Variants in NPAS3 observed in about 807,000 individuals in gnomAD.
NPAS3 encodes the protein neuronal PAS domain protein 3.
NPAS3 carries 14 observed loss-of-function variants against 73.1 expected under a neutral mutation model. The ratio of observed to expected loss-of-function variants is 0.19; its 90% CI spans 0.13 to 0.30. NPAS3 has a LOEUF of 0.30. NPAS3 is among the 10% of genes least tolerant of loss of function. NPAS3 has a pLI of 1.00. For missense variants in NPAS3, 1,096 were observed against 1,250.0 expected, an observed-to-expected ratio of 0.88 and a Z score of 1.86; for synonymous variants, 620 against 541.5, an observed-to-expected ratio of 1.14 and a Z score of -2.01.
In NPAS3 at chr14:33,395,641, C is replaced by A. The variant is rs545608791; in HGVS notation, c.468+28373C>A. Among the ~76,000 whole-genome samples the A allele has an allele frequency of 2.0e-4, 30 of 152,024 alleles. No individual in the cohort carries two copies. The South Asian group carries it at 5.8e-3, about 29-fold the overall frequency. ...ATGTTTATATTTAGTATATTAAATA[C>A]AAATTTTAAGCCTGTTCATAAAAGC... On this transcript the variant is annotated intron_variant, in intron 4 of 11. Transcript: ENST00000356141.
intron 4 of NPAS3, among the ~76,000 whole-genome samples, chr14:33,409,772 A>G (rs368219386): frequency 1.6e-3 from 250 of 152,310 alleles, no homozygotes; most frequent in African/African-American, 5.2e-3. Flanking sequence ...AGAGAAGAGT[A>G]AGAATGTAGT....
At chr14:33,073,409 T>G (rs978590329) in intron 2 of NPAS3, among the ~76,000 whole-genome samples, 1 of 152,176 alleles carries the variant, frequency 6.6e-6, no homozygotes, top group African/African-American at 2.4e-5. Flanking sequence ...TAGAACTCTA[T>G]AGTATACAGT....
At chr14:33,163,913 A>C (rs1035640774) in intron 2 of NPAS3, among the ~76,000 whole-genome samples, 3 of 152,198 alleles carry the variant, frequency 2.0e-5, no homozygotes, top group Non-Finnish European at 4.4e-5. Flanking sequence ...GTGTAAAGAA[A>C]AAAGTGAGAG....
chr14:33,503,764 G>A (rs2052627759), intron 4 of NPAS3, among the ~76,000 whole-genome samples: 1 of 151,896 alleles, frequency 6.6e-6, no homozygotes, highest in African/African-American at 2.4e-5. Context: ...GCTGAAGGAA[G>A]AAAATTACTC....
intron 4 of NPAS3, among the ~76,000 whole-genome samples, chr14:33,521,276 A>G (rs1254134713): frequency 1.3e-5 from 2 of 152,256 alleles, no homozygotes; most frequent in South Asian, 4.1e-4. Flanking sequence ...GTCAAGGGCA[A>G]TACAGACAAA....
intron 1 of NPAS3, among the ~76,000 whole-genome samples, chr14:33,039,850 C>A (rs2040293878): frequency 6.6e-6 from 1 of 152,156 alleles, no homozygotes; most frequent in Admixed American, 6.5e-5. Flanking sequence ...TTAAATTAAT[C>A]TGGCTAACTT....
chr14:33,597,157 C>T (rs968341634), intron 5 of NPAS3, among the ~76,000 whole-genome samples: 8 of 152,222 alleles, frequency 5.3e-5, no homozygotes, highest in South Asian at 2.1e-4. Flanking sequence ...CTCCTTTTCT[C>T]TTTCTCTTCC....
At chr14:33,361,206 A>T (rs2045584492) in intron 3 of NPAS3, among the ~76,000 whole-genome samples, 1 of 152,172 alleles carries the variant, frequency 6.6e-6, no homozygotes, top group Admixed American at 6.5e-5. Context: ...TAAAATGGAA[A>T]CTTCGTACTA....
intron 2 of NPAS3, among the ~76,000 whole-genome samples, chr14:33,106,353 C>T (rs1419046119): frequency 6.6e-6 from 1 of 152,108 alleles, no homozygotes; most frequent in Non-Finnish European, 1.5e-5. Flanking sequence ...TCTTTGTTTC[C>T]ACTTAACCTG....
At chr14:33,028,875 G>T (rs762460429) in intron 1 of NPAS3, among the ~76,000 whole-genome samples, 1 of 152,144 alleles carries the variant, frequency 6.6e-6, no homozygotes, top group Non-Finnish European at 1.5e-5. Flanking sequence ...GCGCAGGTTT[G>T]TTACATAGGT....
chr14:33,763,428 C>G lies in NPAS3; in HGVS notation c.853-10909C>G, dbSNP rs559360572. 3.3e-5 allele frequency among the ~76,000 whole-genome samples: 5 copies of G among 152,184 alleles called. No individual in the cohort carries two copies. The East Asian group carries it at 9.7e-4, about 29-fold the overall frequency. ...ATCTGTGCCTAGCAAAGAGTGTAAA[C>G]TAAGAAGAGAATGGAGATAGAAAGT... On this transcript the variant is annotated intron_variant, in intron 7 of 11. Transcript: ENST00000356141.
At chr14:33,234,086 G>A (rs1386814003) in intron 3 of NPAS3, among the ~76,000 whole-genome samples, 2 of 152,064 alleles carry the variant, frequency 1.3e-5, no homozygotes, top group Non-Finnish European at 2.9e-5. Flanking sequence ...AGTTAAAGGG[G>A]TCCTTGAAAG....
intron 3 of NPAS3, among the ~76,000 whole-genome samples, chr14:33,246,781 A>G (rs2139862004): frequency 7.0e-6 from 1 of 142,674 alleles, no homozygotes; most frequent in East Asian, 2.2e-4. Context: ...TCACCTGAGG[A>G]TCAGGAGTTC....
At chr14:33,315,382 C>A (rs1214289867) in intron 3 of NPAS3, among the ~76,000 whole-genome samples, 2 of 151,658 alleles carry the variant, frequency 1.3e-5, no homozygotes, top group Middle Eastern at 6.3e-3. Flanking sequence ...TCCTTGATAC[C>A]AAACTTGAGA....
chr14:33,247,366 G>A (rs2048430069), intron 3 of NPAS3, among the ~76,000 whole-genome samples: 1 of 152,016 alleles, frequency 6.6e-6, no homozygotes, highest in Non-Finnish European at 1.5e-5. Context: ...ATTGCCTTTT[G>A]TTTTACATTA....
At chr14:33,740,573 G>A (rs555299429) in intron 7 of NPAS3, among the ~76,000 whole-genome samples, 7 of 152,352 alleles carry the variant, frequency 4.6e-5, no homozygotes, top group Admixed American at 1.3e-4. Flanking sequence ...ACATGTGACT[G>A]TTGGAATAGC....
chr14:33,487,142 G>A (rs940307921), intron 4 of NPAS3, among the ~76,000 whole-genome samples: 7 of 152,062 alleles, frequency 4.6e-5, no homozygotes, highest in Admixed American at 3.9e-4. Flanking sequence ...TTCTTGGCCA[G>A]GGAAACTAAA....
At chr14:33,369,394 G>T (rs1214720113) in intron 4 of NPAS3, among the ~76,000 whole-genome samples, 1 of 68,388 alleles carries the variant, frequency 1.5e-5, no homozygotes, top group Non-Finnish European at 3.4e-5. Flanking sequence ...TTATTTGAAG[G>T]CCTCATTTCC....
chr14:33,390,476 T>C (rs1396343237), intron 4 of NPAS3, among the ~76,000 whole-genome samples: 10 of 152,200 alleles, frequency 6.6e-5, no homozygotes, highest in Admixed American at 6.5e-4. Context: ...ATCAGCAATA[T>C]TTCTTTCAGC....
Sources: gnomAD v4.1 joint callset for allele counts (sites outside exome capture counted in the v4.1 genomes callset) on GRCh38, gnomAD v4.1.1 for gene constraint, MANE v1.5 for transcripts, NCBI Gene and HGNC (gene_info 2026-07-23, HGNC 2026-07-21) for gene names.